Variants in COL27A1 observed in about 807,000 individuals in gnomAD.
COL27A1 encodes collagen alpha-1(XXVII) chain.
Under a neutral mutation model 251.3 loss-of-function variants are expected in COL27A1, and 106 were observed. The ratio of observed to expected loss-of-function variants is 0.42; its 90% CI spans 0.36 to 0.50. The LOEUF (loss-of-function observed/expected upper bound fraction) is 0.50, where lower values mean the gene tolerates loss of function less well. Among genes scored for constraint, COL27A1 ranks in the 20% least tolerant of loss-of-function variants. The pLI is 0.00. For synonymous variants in COL27A1, 1,000 were observed against 986.3 expected (o/e 1.01, Z -0.26); for missense variants, 2,325 against 2,522.8 (o/e 0.92, Z 1.68).
intron 1 of COL27A1, among the ~76,000 whole-genome samples, chr9:114,157,602 C>T (rs1848207975): frequency 6.6e-6 from 1 of 152,250 alleles, no homozygotes; most frequent in African/African-American, 2.4e-5. Flanking sequence ...TTTCTCTCCT[C>T]CATCTCTGTC....
At chr9:114,279,310 A>C (rs1835762091) in intron 37 of COL27A1, among the ~76,000 whole-genome samples, 1 of 152,218 alleles carries the variant, frequency 6.6e-6, no homozygotes, top group African/African-American at 2.4e-5. Flanking sequence ...CGGGATAAAT[A>C]ATCCCTTCCT....
chr9:114,302,951 C>A (rs1306904025), intron 56 of COL27A1, among the ~76,000 whole-genome samples: 2 of 152,146 alleles, frequency 1.3e-5, no homozygotes, highest in Non-Finnish European at 2.9e-5. Context: ...GGGCCAGGAG[C>A]CCTTGAGCCA....
intron 4 of COL27A1, among the ~76,000 whole-genome samples, chr9:114,181,504 G>A (rs937744425): frequency 1.2e-4 from 18 of 152,180 alleles, no homozygotes; most frequent in Admixed American, 2.0e-4. Context: ...CAGTTAGCCC[G>A]ATGAATCAAG....
intron 14 of COL27A1, 64 bp downstream of exon 14, chr9:114,222,331 G>A: frequency 6.7e-7 from 1 of 1,485,448 alleles, no homozygotes; most frequent in Non-Finnish European, 9.4e-7. Context: ...GAGCCAGCGT[G>A]TGGGGAGCCA....
Position 114,194,457 on chromosome 9 carries a change from G to T in COL27A1, c.2070G>T (p.Lys690Asn). ...LSPGKAHDGA[K>N]GDMGLPGLSG... is the part of the protein sequence containing the mutation. ...CAGGAAAGGCCCACGATGGGGCAAA[G>T]GTAGGTTTCCAGGGACCCCAGTTCT... The change falls in exon 6 of 61, where the codon AAG becomes AAT. Residue 690 changes from lysine to asparagine, a missense_variant and splice_region_variant. Around this residue, in one of 4 missense-constraint regions of COL27A1, gnomAD observed 1,183 missense variants for 1,144.1 expected, o/e 1.03. Coordinates refer to ENST00000356083, the MANE Select transcript of COL27A1 (RefSeq NM_032888.4). The T allele has an allele frequency of 6.2e-7, 1 of 1,612,570 alleles. No homozygotes were observed. Among genetic ancestry groups the T allele is most frequent in the Non-Finnish European group, 8.5e-7 (1 of 1,179,360 alleles).
At chr9:114,241,085 C>T (rs563083919) in intron 21 of COL27A1, among the ~76,000 whole-genome samples, 3 of 152,226 alleles carry the variant, frequency 2.0e-5, no homozygotes, top group South Asian at 4.1e-4. Context: ...GGCAGAGCAT[C>T]GATTTGCTTA....
At chr9:114,201,078 C>G (rs2135277236) in intron 7 of COL27A1, among the ~76,000 whole-genome samples, 1 of 152,330 alleles carries the variant, frequency 6.6e-6, no homozygotes, top group South Asian at 2.1e-4. Context: ...TCTGGTTTCT[C>G]CTTGCGCATT....
intron 25 of COL27A1, among the ~76,000 whole-genome samples, chr9:114,251,387 C>T (rs1833534985): frequency 6.6e-6 from 1 of 152,060 alleles, no homozygotes; most frequent in Non-Finnish European, 1.5e-5. Flanking sequence ...TCTATGTGGC[C>T]CAGACCCTCG....
At chr9:114,157,295 C>A (rs1214850086) in intron 1 of COL27A1, among the ~76,000 whole-genome samples, 1 of 152,216 alleles carries the variant, frequency 6.6e-6, no homozygotes, top group African/African-American at 2.4e-5. Context: ...TGCCTCCCTG[C>A]CTCCCTTGAC....
intron 41 of COL27A1, among the ~76,000 whole-genome samples, chr9:114,286,353 G>A (rs1203379920): frequency 6.6e-6 from 1 of 152,160 alleles, no homozygotes; most frequent in Non-Finnish European, 1.5e-5. Context: ...GGGAAACTGA[G>A]TCCCCATAAG....
chr9:114,258,715 C>T, intron 28 of COL27A1, 121 bp downstream of exon 28: 4 of 1,033,786 alleles, frequency 3.9e-6, no homozygotes, highest in South Asian at 2.8e-5. Context: ...CTGTGACTTT[C>T]ATAGCACAAG....
chr9:114,205,072 G>A, intron 7 of COL27A1, 30 bp from the exon 8 acceptor site: 1 of 1,612,642 alleles, frequency 6.2e-7, no homozygotes. Flanking sequence ...TGTCCTCCCT[G>A]CCTGATGCAG....
intron 5 of COL27A1, among the ~76,000 whole-genome samples, chr9:114,186,513 C>T (rs1341181413): frequency 1.3e-5 from 2 of 152,104 alleles, no homozygotes; most frequent in African/African-American, 2.4e-5. Flanking sequence ...GTGAGAGGCC[C>T]GGAGTGCTCG....
chr9:114,219,660 G>A (rs1040537297), intron 12 of COL27A1, 131 bp from the exon 13 acceptor site: 26 of 682,818 alleles, frequency 3.8e-5, no homozygotes, highest in Non-Finnish European at 5.8e-5. Flanking sequence ...GGACCGCACT[G>A]TCTGCCCATG....
At chr9:114,184,381 G>C (rs1024516142) in intron 5 of COL27A1, among the ~76,000 whole-genome samples, 27 of 152,356 alleles carry the variant, frequency 1.8e-4, no homozygotes, top group Admixed American at 1.6e-3. Context: ...CCATCAGCTT[G>C]TCTGGGAGCT....
chr9:114,262,610 GGA>G (rs1023692402), intron 28 of COL27A1, among the ~76,000 whole-genome samples: 11 of 152,334 alleles, frequency 7.2e-5, no homozygotes, highest in Admixed American at 7.2e-4. Context: ...CTGTCTTGAG[GGA>G]GAGATTTCTT....
intron 5 of COL27A1, among the ~76,000 whole-genome samples, chr9:114,188,130 T>TGAC (rs1467264057): frequency 1.0e-3 from 159 of 152,372 alleles, no homozygotes; most frequent in African/African-American, 3.7e-3. Context: ...ACAGCAGGGC[T>TGAC]ACCCCATAGG....
Position 114,267,570 on chromosome 9 carries a change from G to C in COL27A1, c.3501+13G>C, listed in dbSNP as rs769333704. 1 of 1,595,196 alleles carries C rather than the reference G, an allele frequency of 6.3e-7. No individual in the cohort carries two copies. Among genetic ancestry groups the C allele is most frequent in the South Asian group, 1.1e-5 (1 of 89,000 alleles). ...AGCCGGGATGAAGGTGAGGTGGGAT[G>C]AAAGAAGAGAAAAATGACTTGTTGA... is the stretch of plus-strand genomic sequence containing the variant. On this transcript the variant is annotated intron_variant, in intron 34 of 60. Coordinates refer to ENST00000356083, the MANE Select transcript of COL27A1 (RefSeq NM_032888.4).
rs142343194 is a variant in COL27A1, at chr9:114,235,488, C to A, written c.2566-111C>A. ...TCACAAGGCTGCTGCTGGCCGGATCCGACTTGGGAAACAGCCTCGGCACAG... is the reference window on the plus strand; with the variant it reads ...TCACAAGGCTGCTGCTGGCCGGATCAGACTTGGGAAACAGCCTCGGCACAG... On this transcript the variant is annotated intron_variant, in intron 16 of 60. Transcript: ENST00000356083. 2.6e-3 allele frequency: 2,206 copies of A among 850,402 alleles called. 14 individuals carry two copies. Among genetic ancestry groups the A allele is most frequent in the Non-Finnish European group, 3.6e-3 (1,762 of 486,392 alleles). 52.7% of individuals were successfully genotyped at this position (850,402 alleles called of 1,614,324 possible). A position where few individuals can be genotyped will look rare whatever the true frequency, so the allele number is the denominator to read the frequency against.
Sources: allele counts gnomAD v4.1 joint callset (sites outside exome capture counted in the v4.1 genomes callset), GRCh38; gene constraint gnomAD v4.1.1; regional missense constraint gnomAD v4.1.1; transcripts MANE v1.5; gene names NCBI Gene and HGNC (gene_info 2026-07-23, HGNC 2026-07-21).